Variants in REC114 observed in about 807,000 individuals in gnomAD.
REC114 encodes the protein REC114 meiotic recombination protein.
REC114 carries 27 observed loss-of-function variants against 31.3 expected under a neutral mutation model. The ratio of observed to expected loss-of-function variants is 0.86; its 90% CI spans 0.64 to 1.19. The LOEUF is 1.19. Among genes scored for constraint, REC114 ranks in the 50% most tolerant of loss-of-function variants. The probability of loss-of-function intolerance (pLI) is 0.00; values close to 1 mark genes in which losing one functional copy is unlikely to be tolerated. For synonymous variants in REC114, 134 were observed against 127.7 expected, an observed-to-expected ratio of 1.05 and a Z score of -0.33; for missense variants, 344 against 326.9, an observed-to-expected ratio of 1.05 and a Z score of -0.40.
At chr15:73,502,963 A>G (rs1374829767) in intron 2 of REC114, among the ~76,000 whole-genome samples, 1 of 152,216 alleles carries the variant, frequency 6.6e-6, no homozygotes, top group African/African-American at 2.4e-5. Context: ...TAAAACCCCA[A>G]TGAGATACCA....
chr15:73,527,882 C>CG (rs905095734), intron 2 of REC114, among the ~76,000 whole-genome samples: 69 of 151,654 alleles, frequency 4.5e-4, no homozygotes, highest in Non-Finnish European at 7.1e-4. Flanking sequence ...GTTATCTATA[C>CG]GGGGGGGAAA....
chr15:73,550,239 A>C (rs941538231), intron 3 of REC114, among the ~76,000 whole-genome samples: 1 of 152,210 alleles, frequency 6.6e-6, no homozygotes, highest in African/African-American at 2.4e-5. Context: ...TTTTACACTT[A>C]GATGTTTTTA....
At chr15:73,468,125 T>C (rs1893086211) in intron 1 of REC114, among the ~76,000 whole-genome samples, 1 of 152,246 alleles carries the variant, frequency 6.6e-6, no homozygotes, top group Non-Finnish European at 1.5e-5. Context: ...CCCTTTGCTA[T>C]GTAAGATAAC....
chr15:73,466,475 A>T (rs1893061206), intron 1 of REC114, among the ~76,000 whole-genome samples: 1 of 152,032 alleles, frequency 6.6e-6, no homozygotes, highest in African/African-American at 2.4e-5. Flanking sequence ...AATCACTTGA[A>T]CCTGGGAGGC....
chr15:73,492,873 C>A (rs985651158), intron 2 of REC114, among the ~76,000 whole-genome samples: 1 of 152,034 alleles, frequency 6.6e-6, no homozygotes, highest in Non-Finnish European at 1.5e-5. Context: ...AGTTTGAACA[C>A]TTTTCCTTAT....
At chr15:73,462,077 A>G (rs1892997532) in intron 1 of REC114, among the ~76,000 whole-genome samples, 1 of 151,024 alleles carries the variant, frequency 6.6e-6, no homozygotes, top group Non-Finnish European at 1.5e-5. Context: ...GATTACAGGC[A>G]CCTACCACCA....
At chr15:73,555,543 C>G (rs1894454372) in intron 4 of REC114, among the ~76,000 whole-genome samples, 1 of 152,118 alleles carries the variant, frequency 6.6e-6, no homozygotes, top group South Asian at 2.1e-4. Flanking sequence ...ATACAGCCCT[C>G]CAGTTTACCC....
At chr15:73,557,477 T>C (rs1310321386) in intron 5 of REC114, among the ~76,000 whole-genome samples, 3 of 140,942 alleles carry the variant, frequency 2.1e-5, no homozygotes, top group Non-Finnish European at 3.1e-5. Flanking sequence ...TAACTCAAAA[T>C]AAATGGACAA....
chr15:73,527,854 G>A (rs1461168341), intron 2 of REC114, among the ~76,000 whole-genome samples: 1 of 152,106 alleles, frequency 6.6e-6, no homozygotes, highest in Non-Finnish European at 1.5e-5. Flanking sequence ...CTGACAGCTT[G>A]AAGACCTGTG....
intron 2 of REC114, among the ~76,000 whole-genome samples, chr15:73,479,034 C>G (rs1893255831): frequency 6.6e-6 from 1 of 152,134 alleles, no homozygotes; most frequent in Non-Finnish European, 1.5e-5. Flanking sequence ...TCTGTATACT[C>G]TCCCTGCCTG....
At chr15:73,484,578 C>A (rs748572195) in intron 2 of REC114, among the ~76,000 whole-genome samples, 3 of 152,190 alleles carry the variant, frequency 2.0e-5, no homozygotes, top group African/African-American at 4.8e-5. Context: ...TAAAGATCTA[C>A]CTTTTGTCAG....
At chr15:73,471,174 G>GA (rs1893127566) in intron 1 of REC114, among the ~76,000 whole-genome samples, 1 of 152,186 alleles carries the variant, frequency 6.6e-6, no homozygotes, top group African/African-American at 2.4e-5. Context: ...AACAGAAATT[G>GA]AAAAGCCAGT....
intron 4 of REC114, among the ~76,000 whole-genome samples, chr15:73,554,177 G>A (rs1252817388): frequency 6.6e-6 from 1 of 152,232 alleles, no homozygotes; most frequent in South Asian, 2.1e-4. Context: ...AAGCTGCAGA[G>A]CAGATGATAA....
At chr15:73,473,281 C>G (rs867682624) in intron 1 of REC114, among the ~76,000 whole-genome samples, 1 of 151,944 alleles carries the variant, frequency 6.6e-6, no homozygotes, top group African/African-American at 2.4e-5. Flanking sequence ...CCCAGCTACT[C>G]GCGAGGCTGA....
At position 73,556,364 on chromosome 15, in the gene REC114, A is replaced by G. The variant is rs376531219; in HGVS notation, c.609A>G (p.Gly203=). 7 of 1,613,672 alleles carry G rather than the reference A, an allele frequency of 4.3e-6. No homozygotes were observed. The African/African-American group carries it at 9.3e-5, about 22-fold the overall frequency. ...CVTAGTGAPD[G]RTSLTQLAQT... is the part of the protein sequence containing the mutation. ...CAGCGGGCACAGGCGCTCCAGACGG[A>G]AGGACCTCACTGACGCAGTTAGCTC... Residue 203 remains glycine (G), a synonymous_variant, in exon 5 of 6, where the codon GGA becomes GGG. Coordinates refer to ENST00000331090, the MANE Select transcript of REC114 (RefSeq NM_001042367.2).
At chr15:73,483,748 A>C (rs1893327768) in intron 2 of REC114, 1 of 152,368 alleles carries the variant, frequency 6.6e-6, no homozygotes, top group Non-Finnish European at 1.5e-5. Flanking sequence ...AGCAGCATGG[A>C]AAGGGGAAGG....
chr15:73,458,112 T>C (rs1478221375), intron 1 of REC114, among the ~76,000 whole-genome samples: 2 of 152,208 alleles, frequency 1.3e-5, no homozygotes, highest in Non-Finnish European at 2.9e-5. Flanking sequence ...TAATCAGTCT[T>C]CATGGCCCAA....
At chr15:73,513,240 C>T (rs1194394002) in intron 2 of REC114, among the ~76,000 whole-genome samples, 3 of 151,554 alleles carry the variant, frequency 2.0e-5, no homozygotes, top group Non-Finnish European at 4.4e-5. Flanking sequence ...ATCGCATCGG[C>T]TCCTGAGGCT....
chr15:73,490,372 T>G (rs187916972), intron 2 of REC114, among the ~76,000 whole-genome samples: 2 of 152,242 alleles, frequency 1.3e-5, no homozygotes, highest in African/African-American at 2.4e-5. Flanking sequence ...GGTTTGTCAT[T>G]GACTATTCTT....
Sources: gnomAD v4.1 joint callset for allele counts (sites outside exome capture counted in the v4.1 genomes callset) on GRCh38, gnomAD v4.1.1 for gene constraint, MANE v1.5 for transcripts, NCBI Gene and HGNC (gene_info 2026-07-23, HGNC 2026-07-21) for gene names.